DCUN1D5: variants seen among roughly 807,000 people sequenced by gnomAD.
DCUN1D5 encodes the protein DCN1-like protein 5.
In DCUN1D5, 10 loss-of-function variants were observed where a neutral mutation model predicts 38.3. The observed-to-expected ratio is 0.26, with a 90% CI of 0.16 to 0.44. The LOEUF (loss-of-function observed/expected upper bound fraction) is 0.44, where lower values mean the gene tolerates loss of function less well. DCUN1D5 is among the 20% of genes least tolerant of loss of function. The probability of loss-of-function intolerance (pLI) is 1.00; values close to 1 mark genes in which losing one functional copy is unlikely to be tolerated. For synonymous variants in DCUN1D5, 93 were observed against 90.9 expected (o/e 1.02, Z -0.13); for missense variants, 148 against 275.3 (o/e 0.54, Z 3.27).
Position 103,087,316 on chromosome 11 carries a change from G to A in DCUN1D5, c.178+1911C>T, listed in dbSNP as rs141491155. Among the ~76,000 whole-genome samples the A allele has an allele frequency of 9.7e-4, 147 of 151,866 alleles. No individual in the cohort carries two copies. Among genetic ancestry groups the A allele is most frequent in the Admixed American group, 2.8e-3 (43 of 15,266 alleles). Reference sequence around the variant, plus strand: ...CTCCCAAGTAGCTGGGACTACAGGCGCACACCACCACGCCCGGCTAATTGT... The same window carrying A: ...CTCCCAAGTAGCTGGGACTACAGGCACACACCACCACGCCCGGCTAATTGT... On this transcript the variant is annotated intron_variant, in intron 2 of 7. Coordinates refer to ENST00000260247, the MANE Select transcript of DCUN1D5 (RefSeq NM_032299.4). The surrounding 1 kb of genome is among the most constrained non-coding windows in gnomAD (Gnocchi z 4.1).
In DCUN1D5 at chr11:103,064,365, G is replaced by A. The variant is rs777855331; in HGVS notation, c.568C>T (p.Arg190Cys). ...TACCATTGATCTTTGTTCATAACAC[G>A]ATACTTTGATTGCTGCAAAAATGAT... Reference protein sequence around the residue: ...FYQYLEQSKYRVMNKDQWYNV... With the variant: ...FYQYLEQSKYCVMNKDQWYNV... The change falls in exon 7 of 8, where the codon CGT becomes TGT. Residue 190 changes from arginine to cysteine, a missense_variant. Coordinates refer to ENST00000260247, the MANE Select transcript of DCUN1D5 (RefSeq NM_032299.4). The surrounding 1 kb of genome is among the most constrained non-coding windows in gnomAD (Gnocchi z 4.5). 8 of 1,592,612 alleles carry A rather than the reference G, an allele frequency of 5.0e-6. No individual in the cohort carries two copies. The highest frequency in any genetic ancestry group is 6.8e-6 in the Non-Finnish European group (8 of 1,169,816).
Position 103,066,135 on chromosome 11 carries a change from A to G in DCUN1D5, c.555+134T>C, listed in dbSNP as rs1862128940. ...CTTCTATCTAAAAATAGCAACTGAT[A>G]TGTACATATTTTAGAATTTTTTCTC... On this transcript the variant is annotated intron_variant, in intron 6 of 7. Coordinates refer to ENST00000260247, the MANE Select transcript of DCUN1D5 (RefSeq NM_032299.4). This position sits in a 1 kb window ranked among gnomAD's most constrained non-coding sequence, Gnocchi z 4.7. The G allele has an allele frequency of 2.0e-6, 1 of 507,336 alleles. No homozygotes were observed. Among genetic ancestry groups the G allele is most frequent in the Non-Finnish European group, 3.5e-6 (1 of 289,812 alleles). The allele number at this position is 507,336 out of a possible 1,614,324, so 31.4% of individuals were successfully genotyped here. A position where few individuals can be genotyped will look rare whatever the true frequency, so the allele number is the denominator to read the frequency against.
rs1008442523 is a variant in DCUN1D5 at position 103,077,725 on chromosome 11, G to T, written c.341+5023C>A. ...CTCTCTTCCTAATCCATAAGTCCCA[G>T]TGACTGTGCTGTGACACATTGATGT... On this transcript the variant is annotated intron_variant, in intron 4 of 7. Transcript: ENST00000260247. This position sits in a 1 kb window ranked among gnomAD's most constrained non-coding sequence, Gnocchi z 4.3. 6.6e-6 allele frequency among the ~76,000 whole-genome samples: 1 copy of T among 152,194 alleles called. No individual in the cohort carries two copies. The highest frequency in any genetic ancestry group is 1.5e-5 in the Non-Finnish European group (1 of 68,034).
At chr11:103,070,161 G>A (rs569822949) in intron 4 of DCUN1D5, among the ~76,000 whole-genome samples, 92 of 146,812 alleles carry the variant, frequency 6.3e-4, no homozygotes, top group Non-Finnish European at 8.3e-4. Flanking sequence ...TACAAAAAAA[G>A]AACCAAATGG....
chr11:103,068,617 C>T (rs373759838), intron 4 of DCUN1D5, among the ~76,000 whole-genome samples: 15 of 152,048 alleles, frequency 9.9e-5, no homozygotes, highest in South Asian at 6.2e-4. Flanking sequence ...CTCACTTATA[C>T]GTGGGAGCTA....
At position 103,054,440 on chromosome 11, in the gene DCUN1D5, T is replaced by C. The variant is rs1001012468; in HGVS notation, c.*7919A>G. ...ACATGTTCAAACACTGTAAACTGAATTGTGTGATGGGCACTTGGAGGCACC... is the reference window on the plus strand; with the variant it reads ...ACATGTTCAAACACTGTAAACTGAACTGTGTGATGGGCACTTGGAGGCACC... On this transcript the variant is annotated 3_prime_UTR_variant, in exon 8 of 8. Transcript: ENST00000260247. 6.6e-6 allele frequency: 1 copy of C among 152,088 alleles called. No individual in the cohort carries two copies. The highest frequency in any genetic ancestry group is 2.4e-5 in the African/African-American group (1 of 41,424). The allele number at this position is 152,088 out of a possible 1,614,324, so 9.4% of individuals were successfully genotyped here. A position where few individuals can be genotyped will look rare whatever the true frequency, so the allele number is the denominator to read the frequency against.
At position 103,092,096 on chromosome 11, in the gene DCUN1D5, G is replaced by A. The variant is rs1013912821; in HGVS notation, c.-224C>T. The A allele has an allele frequency of 7.5e-6, 4 of 531,932 alleles. No individual in the cohort carries two copies. Among genetic ancestry groups the A allele is most frequent in the South Asian group, 2.4e-5 (1 of 41,260 alleles). The allele number at this position is 531,932 out of a possible 1,614,324, so 33.0% of individuals were successfully genotyped here. A position where few individuals can be genotyped will look rare whatever the true frequency, so the allele number is the denominator to read the frequency against. On this transcript the variant is annotated 5_prime_UTR_variant, in exon 1 of 8. Transcript: ENST00000260247. ...GGCTGGCTCCTCGCCGGTGGACACT[G>A]CGGTTCGTTCTCACCGGGAGGAGAT...
chr11:103,082,936 A>G (rs1366792852), intron 3 of DCUN1D5, 97 bp from the exon 4 acceptor site: 6 of 861,622 alleles, frequency 7.0e-6, no homozygotes, highest in South Asian at 3.2e-5. Context: ...AACTACTTCC[A>G]TCCTTCAACT....
At chr11:103,085,503 G>A (rs992566454) in intron 2 of DCUN1D5, among the ~76,000 whole-genome samples, 1 of 152,128 alleles carries the variant, frequency 6.6e-6, no homozygotes. Context: ...ATTACTTGGT[G>A]ATTACTAATT....
In DCUN1D5 at chr11:103,066,215, C is replaced by T; in HGVS notation, c.555+54G>A. Reference sequence around the variant, plus strand: ...ATCTACTTGTTCCTCAAAAGTATAACTTTCAGATTAAGTTTTAAAATAATA... The same window carrying T: ...ATCTACTTGTTCCTCAAAAGTATAATTTTCAGATTAAGTTTTAAAATAATA... On this transcript the variant is annotated intron_variant, in intron 6 of 7. Coordinates refer to ENST00000260247, the MANE Select transcript of DCUN1D5 (RefSeq NM_032299.4). This position sits in a 1 kb window ranked among gnomAD's most constrained non-coding sequence, Gnocchi z 4.7. 4.2e-6 allele frequency: 5 copies of T among 1,186,276 alleles called. No individual in the cohort carries two copies. Among genetic ancestry groups the T allele is most frequent in the Non-Finnish European group, 5.9e-6 (5 of 848,102 alleles). 73.5% of individuals were successfully genotyped at this position (1,186,276 alleles called of 1,614,324 possible).
rs920127461 is a variant in DCUN1D5, at chr11:103,086,304, TTAA to T, written c.178+2920_178+2922del. Among the ~76,000 whole-genome samples the T allele has an allele frequency of 6.6e-6, 1 of 152,234 alleles. No homozygotes were observed. ...CTGATGCTGTAATGCTATTACTGTT[TTAA>T]TAATAATAACATTTGAGTTCTGACT... On this transcript the variant is annotated intron_variant, in intron 2 of 7. Transcript: ENST00000260247. The surrounding 1 kb of genome is among the most constrained non-coding windows in gnomAD (Gnocchi z 4.1).
At chr11:103,081,327 A>G (rs1862559403) in intron 4 of DCUN1D5, among the ~76,000 whole-genome samples, 1 of 152,164 alleles carries the variant, frequency 6.6e-6, no homozygotes, top group Admixed American at 6.5e-5. Flanking sequence ...AGTAAAACAC[A>G]CTGAGTTGTA....
chr11:103,060,452 C>A lies in DCUN1D5; in HGVS notation c.*1907G>T, dbSNP rs887906205. On this transcript the variant is annotated 3_prime_UTR_variant, in exon 8 of 8. Coordinates refer to ENST00000260247, the MANE Select transcript of DCUN1D5 (RefSeq NM_032299.4). ...TTGAAAATACAGTATTCCCGGGATGCGACACCTACATACACGGGGAGGGCT... is the reference window on the plus strand; with the variant it reads ...TTGAAAATACAGTATTCCCGGGATGAGACACCTACATACACGGGGAGGGCT... Among the ~76,000 whole-genome samples the A allele has an allele frequency of 6.6e-6, 1 of 151,902 alleles. No individual in the cohort carries two copies. The highest frequency in any genetic ancestry group is 2.4e-5 in the African/African-American group (1 of 41,340).
chr11:103,074,244 G>A (rs1862352109), intron 4 of DCUN1D5, among the ~76,000 whole-genome samples: 1 of 152,144 alleles, frequency 6.6e-6, no homozygotes, highest in South Asian at 2.1e-4. Flanking sequence ...ACTAGTATCA[G>A]CAAACTCTGA....
rs1403370445 is a variant in DCUN1D5, at chr11:103,052,190, T to C, written c.*10169A>G. Reference sequence around the variant, plus strand: ...ACAACCTACCATGAGTCAGGCACCATGCTGAGAGCTGAAGACATGGTTTCT... The same window carrying C: ...ACAACCTACCATGAGTCAGGCACCACGCTGAGAGCTGAAGACATGGTTTCT... On this transcript the variant is annotated 3_prime_UTR_variant, in exon 8 of 8. Coordinates refer to ENST00000260247, the MANE Select transcript of DCUN1D5 (RefSeq NM_032299.4). 1 of 152,232 alleles carries C rather than the reference T, an allele frequency of 6.6e-6. No individual in the cohort carries two copies. The highest frequency in any genetic ancestry group is 1.5e-5 in the Non-Finnish European group (1 of 68,036). 9.4% of individuals were successfully genotyped at this position (152,232 alleles called of 1,614,324 possible).
At chr11:103,075,211 G>A (rs942250730) in intron 4 of DCUN1D5, among the ~76,000 whole-genome samples, 15 of 152,100 alleles carry the variant, frequency 9.9e-5, no homozygotes, top group Non-Finnish European at 2.1e-4. Context: ...CTTGAAATGT[G>A]TCCTCTGTTC....
At chr11:103,068,671 TG>T (rs1007717066) in intron 4 of DCUN1D5, among the ~76,000 whole-genome samples, 1 of 152,056 alleles carries the variant, frequency 6.6e-6, no homozygotes, top group African/African-American at 2.4e-5. Context: ...CAACAGACAC[TG>T]GGGTCTACTT....
intron 4 of DCUN1D5, among the ~76,000 whole-genome samples, chr11:103,072,211 T>G (rs2134614009): frequency 6.6e-6 from 1 of 152,174 alleles, no homozygotes; most frequent in Admixed American, 6.5e-5. Context: ...CTAGCTCATG[T>G]AATAAGTCAA....
rs2134616646 is a variant in DCUN1D5, at chr11:103,073,237, C to T, written c.342-6670G>A. Among the ~76,000 whole-genome samples, 3 of 151,786 alleles carry T rather than the reference C, an allele frequency of 2.0e-5. No individual in the cohort carries two copies. The South Asian group carries it at 6.3e-4, about 32-fold the overall frequency. On this transcript the variant is annotated intron_variant, in intron 4 of 7. Transcript: ENST00000260247. The surrounding 1 kb of genome is among the most constrained non-coding windows in gnomAD (Gnocchi z 4.2). ...AAAACTGATGAAAAAAATCAAATAC[C>T]TAAAAAAATGAAGAGACATTACTAT...
Sources: allele counts gnomAD v4.1 joint callset (sites outside exome capture counted in the v4.1 genomes callset), GRCh38; gene constraint gnomAD v4.1.1; non-coding constraint Gnocchi (gnomAD v3.1); transcripts MANE v1.5; gene names NCBI Gene and HGNC (gene_info 2026-07-23, HGNC 2026-07-21).